SLC30A8: variants seen among roughly 807,000 people sequenced by gnomAD.
SLC30A8 encodes solute carrier family 30 member 8, also known as proton-coupled zinc antiporter SLC30A8.
A neutral mutation model predicts 36.9 loss-of-function variants in SLC30A8; 27 were observed. The ratio of observed to expected loss-of-function variants is 0.73; its 90% CI spans 0.54 to 1.01. The LOEUF (loss-of-function observed/expected upper bound fraction) is 1.01, where lower values mean the gene tolerates loss of function less well. Among genes scored for constraint, SLC30A8 ranks in the 50% least tolerant of loss-of-function variants. The probability of loss-of-function intolerance (pLI) is 0.00; values close to 1 mark genes in which losing one functional copy is unlikely to be tolerated. For missense variants in SLC30A8, 439 were observed against 452.0 expected (o/e 0.97, Z 0.26); for synonymous variants, 164 against 172.4 (o/e 0.95, Z 0.38).
chr8:117,010,526 GTTA>G (rs768218622), intron 1 of SLC30A8, among the ~76,000 whole-genome samples: 18 of 152,186 alleles, frequency 1.2e-4, no homozygotes, highest in Non-Finnish European at 2.5e-4. Context: ...GAAAAGCATT[GTTA>G]TTATTACATG....
At chr8:117,158,080 G>A (rs1822592736) in intron 4 of SLC30A8, among the ~76,000 whole-genome samples, 1 of 152,144 alleles carries the variant, frequency 6.6e-6, no homozygotes, top group African/African-American at 2.4e-5. Flanking sequence ...CTAGAGGCAG[G>A]GTTAGGATGT....
chr8:116,978,618 TTAAA>T (rs1815141018), intron 1 of SLC30A8, among the ~76,000 whole-genome samples: 1 of 152,212 alleles, frequency 6.6e-6, no homozygotes, highest in Non-Finnish European at 1.5e-5. Context: ...GTGCAAGAGC[TTAAA>T]TAAAATATCT....
At chr8:116,953,400 A>G (rs1270592605) in intron 1 of SLC30A8, among the ~76,000 whole-genome samples, 1 of 152,104 alleles carries the variant, frequency 6.6e-6, no homozygotes, top group Non-Finnish European at 1.5e-5. Flanking sequence ...TTCTATTTAT[A>G]ATTTTAATTA....
At chr8:116,959,109 A>G (rs1191833359) in intron 1 of SLC30A8, among the ~76,000 whole-genome samples, 1 of 151,990 alleles carries the variant, frequency 6.6e-6, no homozygotes, top group Non-Finnish European at 1.5e-5. Context: ...TCGGCCTCCC[A>G]AAGTGCTGGG....
chr8:117,022,869 T>G (rs983476140), intron 1 of SLC30A8, among the ~76,000 whole-genome samples: 2 of 152,038 alleles, frequency 1.3e-5, no homozygotes, highest in African/African-American at 2.4e-5. Flanking sequence ...AAGCCAAAAT[T>G]GACAAATGGG....
rs181345756 is a variant in SLC30A8, at chr8:117,091,616, T to C, written c.-225-43664T>C. Reference sequence around the variant, plus strand: ...CCCCACAGAGCCACAATGGTCAGGATCTTTGTTTGTTTTTAATCTGCTTTA... The same window carrying C: ...CCCCACAGAGCCACAATGGTCAGGACCTTTGTTTGTTTTTAATCTGCTTTA... On this transcript the variant is annotated intron_variant, in intron 2 of 10. Coordinates refer to the SLC30A8 transcript ENST00000427715. 3.9e-5 allele frequency among the ~76,000 whole-genome samples: 6 copies of C among 152,246 alleles called. No homozygotes were observed. In the East Asian group the frequency reaches 1.2e-3, roughly 29 times the overall value.
At chr8:117,062,198 G>A (rs1038265424) in intron 2 of SLC30A8, among the ~76,000 whole-genome samples, 3 of 152,228 alleles carry the variant, frequency 2.0e-5, no homozygotes, top group African/African-American at 7.2e-5. Flanking sequence ...CCAATGCAGA[G>A]TGTGGAGTTA....
intron 1 of SLC30A8, among the ~76,000 whole-genome samples, chr8:116,971,526 C>T (rs958184296): frequency 2.0e-5 from 3 of 152,158 alleles, no homozygotes; most frequent in Non-Finnish European, 2.9e-5. Context: ...AAACCACTAA[C>T]TTTGTTTCCT....
chr8:117,169,697 A>G (rs1053036167), intron 6 of SLC30A8, among the ~76,000 whole-genome samples: 2 of 152,102 alleles, frequency 1.3e-5, no homozygotes, highest in African/African-American at 4.8e-5. Context: ...GAAGCTTCCA[A>G]TAGCGGCAAA....
At chr8:116,992,176 G>A (rs1815667568) in intron 1 of SLC30A8, among the ~76,000 whole-genome samples, 1 of 152,088 alleles carries the variant, frequency 6.6e-6, no homozygotes, top group Non-Finnish European at 1.5e-5. Context: ...ATAACAAGGT[G>A]ACAAAGCCGA....
intron 2 of SLC30A8, among the ~76,000 whole-genome samples, chr8:117,068,160 A>G (rs1818224308): frequency 6.6e-6 from 1 of 152,174 alleles, no homozygotes; most frequent in Admixed American, 6.5e-5. Context: ...TTTTTAATGA[A>G]TATTACATTC....
chr8:117,130,360 T>C (rs1368861717), upstream of SLC30A8: 1 of 151,970 alleles, frequency 6.6e-6, no homozygotes, highest in East Asian at 1.9e-4. Flanking sequence ...GAGGAGACGA[T>C]GAGCTTTGCC....
At chr8:117,080,037 A>G (rs979721438) in intron 2 of SLC30A8, among the ~76,000 whole-genome samples, 54 of 152,324 alleles carry the variant, frequency 3.5e-4, no homozygotes, top group East Asian at 3.9e-4. Context: ...TTTTAAAGTA[A>G]GGAAATGGAG....
chr8:116,996,690 A>G (rs899236402), intron 1 of SLC30A8, among the ~76,000 whole-genome samples: 1 of 152,058 alleles, frequency 6.6e-6, no homozygotes, highest in Non-Finnish European at 1.5e-5. Flanking sequence ...TGTATAGGCA[A>G]ACCCCGTGTA....
intron 2 of SLC30A8, among the ~76,000 whole-genome samples, chr8:117,121,988 A>G (rs1820713230): frequency 1.3e-5 from 2 of 151,734 alleles, no homozygotes; most frequent in African/African-American, 4.9e-5. Flanking sequence ...TGTTTTTCAC[A>G]ATAAAAAACA....
chr8:116,971,993 G>A (rs1425683461), intron 1 of SLC30A8, among the ~76,000 whole-genome samples: 1 of 152,040 alleles, frequency 6.6e-6, no homozygotes, highest in Admixed American at 6.6e-5. Context: ...GTTTAAACTA[G>A]AACAATGATA....
intron 1 of SLC30A8, among the ~76,000 whole-genome samples, chr8:116,973,681 G>A (rs1814872238): frequency 6.6e-6 from 1 of 152,054 alleles, no homozygotes; most frequent in Non-Finnish European, 1.5e-5. Context: ...AGAATCGGAA[G>A]AAACTACTTT....
chr8:117,116,552 A>G (rs1354720721), intron 2 of SLC30A8, among the ~76,000 whole-genome samples: 1 of 152,012 alleles, frequency 6.6e-6, no homozygotes, highest in African/African-American at 2.4e-5. Context: ...ACATATCAGA[A>G]TGCATGAGTA....
chr8:117,010,326 A>C (rs187175638), intron 1 of SLC30A8, among the ~76,000 whole-genome samples: 2 of 152,290 alleles, frequency 1.3e-5, no homozygotes, highest in African/African-American at 4.8e-5. Context: ...CTCAGCAGAC[A>C]AAGCTTCAGC....
Sources: gnomAD v4.1 joint callset for allele counts (sites outside exome capture counted in the v4.1 genomes callset) on GRCh38, gnomAD v4.1.1 for gene constraint, MANE v1.5 for transcripts, NCBI Gene and HGNC (gene_info 2026-07-23, HGNC 2026-07-21) for gene names.